The following GFM2 variants were observed in gnomAD, a reference collection of about 807,000 sequenced individuals.
GFM2 encodes the protein GTP dependent ribosome recycling factor mitochondrial 2.
Under a neutral mutation model 95.4 loss-of-function variants are expected in GFM2, and 72 were observed. The observed-to-expected ratio is 0.76, with a 90% CI of 0.62 to 0.92. GFM2 has a LOEUF of 0.92. GFM2 is among the 40% of genes least tolerant of loss of function. GFM2 has a pLI of 0.00. For synonymous variants in GFM2, 276 were observed against 317.5 expected (o/e 0.87, Z 1.39); for missense variants, 825 against 924.1 (o/e 0.89, Z 1.39).
chr5:74,754,270 T>C (rs1390564586), intron 5 of GFM2, among the ~76,000 whole-genome samples: 8 of 130,804 alleles, frequency 6.1e-5, no homozygotes, highest in Non-Finnish European at 1.1e-4. Flanking sequence ...CCTTAAAGCA[T>C]AAATCTCACA....
At chr5:74,759,463 T>G in intron 3 of GFM2, 37 bp from the exon 4 acceptor site, 1 of 1,110,716 alleles carries the variant, frequency 9.0e-7, no homozygotes, top group Non-Finnish European at 1.3e-6. Context: ...CTGTTACATT[T>G]ATGAAATTTT....
intron 5 of GFM2, among the ~76,000 whole-genome samples, chr5:74,756,379 CAG>C (rs1455456844): frequency 6.6e-6 from 1 of 152,078 alleles, no homozygotes; most frequent in Non-Finnish European, 1.5e-5. Flanking sequence ...CAAAAAATAA[CAG>C]ATGTTGGAGT....
chr5:74,724,473 T>TAA (rs113558874), intron 19 of GFM2, among the ~76,000 whole-genome samples: 30 of 133,212 alleles, frequency 2.3e-4, no homozygotes, highest in African/African-American at 5.6e-4. Context: ...CCTTGTCTCT[T>TAA]AAAAAAAAAA....
chr5:74,761,960 A>G (rs530774232), intron 2 of GFM2, among the ~76,000 whole-genome samples: 229 of 152,328 alleles, frequency 1.5e-3, no homozygotes, highest in Non-Finnish European at 2.3e-3. Flanking sequence ...CTATCCTCAG[A>G]AAATAATTCC....
intron 1 of GFM2, 65 bp from the exon 2 acceptor site, chr5:74,763,831 G>A (rs1744407285): frequency 2.2e-6 from 2 of 926,044 alleles, no homozygotes; most frequent in African/African-American, 1.6e-5. Flanking sequence ...CAAGGCATAT[G>A]TAAGTTAGAC....
In GFM2 at chr5:74,745,709, GT is replaced by G. The variant is rs779515606; in HGVS notation, c.817del (p.Thr273GlnfsTer8). On this transcript the variant is annotated frameshift_variant, in exon 10 of 21. Transcript: ENST00000296805. LOFTEE classifies it high-confidence loss of function. The part of the protein sequence containing the change: ...EMNDPELLKE[T>X]TEARNALIEQ... The stretch of plus-strand genomic sequence containing the variant: ...AATTAAGGCATTCCTTGCTTCAGTT[GT>G]TTCCTTCAGCAATTCAGGATCATTC... 3 of 1,612,930 alleles carry G rather than the reference GT, an allele frequency of 1.9e-6. No homozygotes were observed. In the East Asian group the frequency reaches 6.7e-5, roughly 36 times the overall value.
intron 19 of GFM2, among the ~76,000 whole-genome samples, chr5:74,724,765 A>T (rs928624336): frequency 1.3e-5 from 2 of 152,204 alleles, no homozygotes; most frequent in African/African-American, 4.8e-5. Context: ...AACACAGTCC[A>T]AGTATTAAAA....
At chr5:74,748,919 A>AAATAAAATAAAATAAAAT (rs59669455) in intron 7 of GFM2, among the ~76,000 whole-genome samples, 3 of 137,194 alleles carry the variant, frequency 2.2e-5, no homozygotes, top group Non-Finnish European at 4.6e-5. Context: ...TAAAAAAATA[A>AAATAAAATAAAATAAAAT]AAAAAAATAA....
At chr5:74,759,299 G>C (rs1744160466) in intron 4 of GFM2, 70 bp downstream of exon 4, 2 of 864,268 alleles carry the variant, frequency 2.3e-6, no homozygotes, top group Non-Finnish European at 3.8e-6. Context: ...ATTCACTCTT[G>C]TCCATCAGAA....
At position 74,741,478 on chromosome 5, in the gene GFM2, C is replaced by G. The variant is rs1475356149; in HGVS notation, c.930+51G>C. On this transcript the variant is annotated intron_variant, in intron 11 of 20. Coordinates refer to ENST00000296805, the MANE Select transcript of GFM2 (RefSeq NM_032380.5). ...ACACATCAAAGGCAGAGAAATCAAA[C>G]TACATCCAATTAGTAAAATTTTGTG... The G allele has an allele frequency of 4.7e-6, 4 of 844,388 alleles. No individual in the cohort carries two copies. The East Asian group carries it at 1.0e-4, about 22-fold the overall frequency. The allele number at this position is 844,388 out of a possible 1,614,324, so 52.3% of individuals were successfully genotyped here.
chr5:74,763,598 G>A (rs1744393593), intron 2 of GFM2, 82 bp downstream of exon 2: 1 of 725,654 alleles, frequency 1.4e-6, no homozygotes, highest in Non-Finnish European at 2.4e-6. Context: ...GGAATCAACA[G>A]CTGATGAGAT....
At chr5:74,733,883 T>C (rs558936288) in intron 15 of GFM2, among the ~76,000 whole-genome samples, 1 of 152,150 alleles carries the variant, frequency 6.6e-6, no homozygotes, top group Non-Finnish European at 1.5e-5. Flanking sequence ...ATCACAACCA[T>C]TGCGAAAATA....
At chr5:74,742,682 T>A (rs1743171967) in intron 10 of GFM2, among the ~76,000 whole-genome samples, 1 of 152,060 alleles carries the variant, frequency 6.6e-6, no homozygotes, top group South Asian at 2.1e-4. Context: ...CTTTTTTTTT[T>A]TTGATACGGA....
chr5:74,722,482 G>T lies in GFM2; in HGVS notation c.2108C>A (p.Pro703His). The T allele has an allele frequency of 2.5e-6, 4 of 1,613,976 alleles. No individual in the cohort carries two copies. Among genetic ancestry groups the T allele is most frequent in the Non-Finnish European group, 3.4e-6 (4 of 1,179,886 alleles). The change falls in exon 20 of 21, where the codon CCT becomes CAT. Residue 703 changes from proline (P) to histidine (H), a missense_variant. Coordinates refer to ENST00000296805, the MANE Select transcript of GFM2 (RefSeq NM_032380.5). ...EVTVARDYLS[P>H]VLADLAQRRG... ...TCTTTGTGCCAGATCTGCCAGGACAGGGCTGAGATAATCTCTAGCTACTGT... is the reference window on the plus strand; with the variant it reads ...TCTTTGTGCCAGATCTGCCAGGACATGGCTGAGATAATCTCTAGCTACTGT...
At position 74,738,595 on chromosome 5, in the gene GFM2, T is replaced by C. The variant is rs1162619865; in HGVS notation, c.1127A>G (p.His376Arg). 1.4e-5 allele frequency: 23 copies of C among 1,613,600 alleles called. No individual in the cohort carries two copies. Among genetic ancestry groups the C allele is most frequent in the Admixed American group, 3.3e-5 (2 of 59,964 alleles). ...DLCALAFKVL[H>R]DKQRGPLVFM... Reference sequence around the variant, plus strand: ...AACCAGTGGTCCTCGCTGCTTGTCATGGAGAACTTTAAATGCCAATGCACA... The same window carrying C: ...AACCAGTGGTCCTCGCTGCTTGTCACGGAGAACTTTAAATGCCAATGCACA... Residue 376 changes from histidine (H) to arginine (R), a missense_variant, in exon 13 of 21, where the codon CAT becomes CGT. His to Arg is a conservative substitution (Grantham distance 29, BLOSUM62 0). Transcript: ENST00000296805.
At chr5:74,733,319 C>G in intron 15 of GFM2, 2 of 359,560 alleles carry the variant, frequency 5.6e-6, no homozygotes, top group East Asian at 4.7e-5. Flanking sequence ...GGCGAAACCC[C>G]GTCTTTACAA....
chr5:74,732,953 C>G, intron 16 of GFM2, 69 bp downstream of exon 16: 1 of 808,378 alleles, frequency 1.2e-6, no homozygotes, highest in East Asian at 2.5e-5. Context: ...CACACACACA[C>G]ACACACACAC....
intron 5 of GFM2, among the ~76,000 whole-genome samples, chr5:74,752,765 AC>A (rs2112329898): frequency 6.6e-6 from 1 of 152,338 alleles, no homozygotes; most frequent in African/African-American, 2.4e-5. Context: ...TATGGTCTGA[AC>A]TAGAAAAGAA....
At chr5:74,762,446 G>C (rs866537163) in intron 2 of GFM2, among the ~76,000 whole-genome samples, 9 of 152,178 alleles carry the variant, frequency 5.9e-5, no homozygotes, top group South Asian at 2.1e-4. Context: ...AGTTTGAAGT[G>C]CAACAGTAAA....
Sources: gnomAD v4.1 joint callset for allele counts (sites outside exome capture counted in the v4.1 genomes callset) on GRCh38, gnomAD v4.1.1 for gene constraint, MANE v1.5 for transcripts, NCBI Gene and HGNC (gene_info 2026-07-23, HGNC 2026-07-21) for gene names.